The following CDH7 variants were observed in gnomAD, a reference collection of about 807,000 sequenced individuals.
The protein encoded by CDH7 is cadherin-7.
Under a neutral mutation model 71.8 loss-of-function variants are expected in CDH7, and 25 were observed. That is an observed-to-expected ratio of 0.35 (90% confidence interval 0.25 to 0.49). CDH7 has a LOEUF of 0.49. Among genes scored for constraint, CDH7 ranks in the 20% least tolerant of loss-of-function variants. The pLI, the probability that CDH7 is intolerant of heterozygous loss-of-function variation, is 0.99. For synonymous variants in CDH7, 381 were observed against 363.8 expected (o/e 1.05, Z -0.54); for missense variants, 862 against 974.6 (o/e 0.88, Z 1.54).
intron 2 of CDH7, among the ~76,000 whole-genome samples, chr18:65,798,128 C>T (rs1049578371): frequency 2.6e-5 from 4 of 152,176 alleles, no homozygotes; most frequent in African/African-American, 9.7e-5. Context: ...GCTTCTTTCT[C>T]TTCTCAAATA....
At chr18:65,869,245 T>C (rs549198885) in intron 11 of CDH7, among the ~76,000 whole-genome samples, 1 of 151,760 alleles carries the variant, frequency 6.6e-6, no homozygotes, top group African/African-American at 2.4e-5. Context: ...TCCTCCTGAA[T>C]TGTGGCAACT....
At chr18:65,853,905 CCATATA>C (rs1913235407) in intron 7 of CDH7, among the ~76,000 whole-genome samples, 2 of 43,056 alleles carry the variant, frequency 4.6e-5, no homozygotes, top group South Asian at 8.2e-4. Context: ...TCATAAATTA[CCATATA>C]TATATATATA....
intron 11 of CDH7, among the ~76,000 whole-genome samples, chr18:65,869,139 C>A (rs956000454): frequency 3.3e-5 from 5 of 152,056 alleles, no homozygotes; most frequent in Non-Finnish European, 1.5e-5. Flanking sequence ...GTCAATTAGT[C>A]CGCACATACT....
chr18:65,810,417 C>T (rs907616431), intron 3 of CDH7, among the ~76,000 whole-genome samples: 1 of 152,180 alleles, frequency 6.6e-6, no homozygotes. Flanking sequence ...AAACATCTCT[C>T]TATGGCCAAT....
rs1424999204 is a variant in CDH7, at chr18:65,883,103, A to G, written c.*2209A>G. The G allele has an allele frequency of 6.6e-6, 1 of 152,054 alleles. No homozygotes were observed. 9.4% of individuals were successfully genotyped at this position (152,054 alleles called of 1,614,324 possible). A position where few individuals can be genotyped will look rare whatever the true frequency, so the allele number is the denominator to read the frequency against. ...TAATTTTTTCAAATGGTTACCAATG[A>G]TAGATTGGAAAAAGAAAGGTTCATG... On this transcript the variant is annotated 3_prime_UTR_variant, in exon 12 of 12. Coordinates refer to ENST00000397968, the MANE Select transcript of CDH7 (RefSeq NM_004361.5).
intron 6 of CDH7, among the ~76,000 whole-genome samples, chr18:65,840,568 T>G (rs976221816): frequency 6.6e-6 from 1 of 152,150 alleles, no homozygotes; most frequent in Non-Finnish European, 1.5e-5. Context: ...ATGGAGGTGG[T>G]TTCCCCCCAT....
rs1418726704 is a variant in CDH7, at chr18:65,888,922, C to G, written c.*8028C>G. On this transcript the variant is annotated 3_prime_UTR_variant, in exon 12 of 12. Coordinates refer to ENST00000397968, the MANE Select transcript of CDH7 (RefSeq NM_004361.5). ...GCTGAAACTCTAATAATTGGACTTT[C>G]CAATCTTAATTATGCTTTAGTTCCC... The G allele has an allele frequency of 6.6e-6, 1 of 152,132 alleles. No homozygotes were observed. Among genetic ancestry groups the G allele is most frequent in the Non-Finnish European group, 1.5e-5 (1 of 68,010 alleles). 9.4% of individuals were successfully genotyped at this position (152,132 alleles called of 1,614,324 possible). A position where few individuals can be genotyped will look rare whatever the true frequency, so the allele number is the denominator to read the frequency against.
At position 65,781,803 on chromosome 18, in the gene CDH7, CTTCCTTCCTTCCTTCCTTCT is replaced by C. The variant is rs1910219393; in HGVS notation, c.210+18755_210+18774del. Among the ~76,000 whole-genome samples the C allele has an allele frequency of 7.3e-5, 5 of 68,570 alleles. No homozygotes were observed. The East Asian group carries it at 2.1e-3, about 29-fold the overall frequency. 45.0% of individuals were successfully genotyped at this position (68,570 alleles called of 152,430 possible). A position where few individuals can be genotyped will look rare whatever the true frequency, so the allele number is the denominator to read the frequency against. The stretch of plus-strand genomic sequence containing the variant: ...CCTTCCTTCCTTCCTTCCTTCCTTC[CTTCCTTCCTTCCTTCCTTCT>C]TTCTTTCTTTCTTTCTTTCTTTCTT... On this transcript the variant is annotated intron_variant, in intron 2 of 11. Coordinates refer to ENST00000397968, the MANE Select transcript of CDH7 (RefSeq NM_004361.5).
Position 65,814,377 on chromosome 18 carries a change from A to C in CDH7, c.506-108A>C, listed in dbSNP as rs942061057. On this transcript the variant is annotated intron_variant, in intron 3 of 11. Coordinates refer to ENST00000397968, the MANE Select transcript of CDH7 (RefSeq NM_004361.5). The stretch of plus-strand genomic sequence containing the variant: ...TTTTTATGTGTCTTGAAAAAGATAA[A>C]TGAAAATTTTCAAATAAGCTTAATG... 8 of 1,265,452 alleles carry C rather than the reference A, an allele frequency of 6.3e-6. No homozygotes were observed. The African/African-American group carries it at 1.2e-4, about 19-fold the overall frequency. 78.4% of individuals were successfully genotyped at this position (1,265,452 alleles called of 1,614,324 possible).
rs552115528 is a variant in CDH7, at chr18:65,846,683, G to A, written c.1235+2618G>A. Among the ~76,000 whole-genome samples, 17 of 152,136 alleles carry A rather than the reference G, an allele frequency of 1.1e-4. No homozygotes were observed. In the South Asian group the frequency reaches 1.2e-3, roughly 11 times the overall value. On this transcript the variant is annotated intron_variant, in intron 7 of 11. Coordinates refer to ENST00000397968, the MANE Select transcript of CDH7 (RefSeq NM_004361.5). ...TTTGTTGCATATGCATTACTCTCAC[G>A]CATTCTCTGGAAGACTGGTTCCCTT...
intron 7 of CDH7, among the ~76,000 whole-genome samples, chr18:65,845,895 C>T (rs557248174): frequency 2.6e-5 from 4 of 152,034 alleles, no homozygotes; most frequent in African/African-American, 9.6e-5. Context: ...TAAATAACCA[C>T]TGCACTCCAG....
chr18:65,871,476 G>A (rs1029368687), intron 11 of CDH7, among the ~76,000 whole-genome samples: 2 of 152,168 alleles, frequency 1.3e-5, no homozygotes, highest in Non-Finnish European at 2.9e-5. Context: ...ATAGGCAGGA[G>A]CCATGGGCTG....
intron 11 of CDH7, chr18:65,863,385 C>T (rs1913648770): frequency 6.2e-6 from 1 of 162,348 alleles, no homozygotes; most frequent in African/African-American, 2.4e-5. Context: ...GCCACACTTT[C>T]CAGTGGTATA....
At chr18:65,856,886 T>C (rs1376697500) in intron 7 of CDH7, among the ~76,000 whole-genome samples, 1 of 151,990 alleles carries the variant, frequency 6.6e-6, no homozygotes, top group Non-Finnish European at 1.5e-5. Context: ...AATTTTTCAC[T>C]GCTGAAAAAA....
chr18:65,886,412 GTTAT>G lies in CDH7; in HGVS notation c.*5523_*5526del, dbSNP rs10582994. The G allele has an allele frequency of 0.94, 142,909 of 151,968 alleles. 67,814 individuals are homozygous for G. The highest frequency in any genetic ancestry group is 1 in the East Asian group (5,166 of 5,166). The allele number at this position is 151,968 out of a possible 1,614,324, so 9.4% of individuals were successfully genotyped here. ...AATTAATTGAAGCCACTCAAATACA[GTTAT>G]TTATAAGATCTCAGAAGATTGCAGT... On this transcript the variant is annotated 3_prime_UTR_variant, in exon 12 of 12. Coordinates refer to ENST00000397968, the MANE Select transcript of CDH7 (RefSeq NM_004361.5).
chr18:65,824,106 A>ACAACC (rs1422295065), intron 5 of CDH7, among the ~76,000 whole-genome samples: 2 of 150,566 alleles, frequency 1.3e-5, no homozygotes, highest in Admixed American at 6.6e-5. Flanking sequence ...AGTTCTACAT[A>ACAACC]CAACCCACAC....
At position 65,888,439 on chromosome 18, in the gene CDH7, GTTGTCA is replaced by G. The variant is rs1568239340; in HGVS notation, c.*7547_*7552del. The G allele has an allele frequency of 6.6e-6, 1 of 152,252 alleles. No individual in the cohort carries two copies. The highest frequency in any genetic ancestry group is 1.9e-4 in the East Asian group (1 of 5,172). 9.4% of individuals were successfully genotyped at this position (152,252 alleles called of 1,614,324 possible). Reference sequence around the variant, plus strand: ...CTGACACACTACAATGAAGACTTCTGTTGTCATCATTCTCAGCTGTGATGGTGGCGC... The same window carrying G: ...CTGACACACTACAATGAAGACTTCTGTCATTCTCAGCTGTGATGGTGGCGC... On this transcript the variant is annotated 3_prime_UTR_variant, in exon 12 of 12. Transcript: ENST00000397968.
intron 2 of CDH7, among the ~76,000 whole-genome samples, chr18:65,764,252 A>G (rs1916288181): frequency 6.6e-6 from 1 of 151,982 alleles, no homozygotes; most frequent in Non-Finnish European, 1.5e-5. Flanking sequence ...TATATTTATT[A>G]TTTTATTTAT....
chr18:65,786,632 AACTC>A (rs1910522990), intron 2 of CDH7, among the ~76,000 whole-genome samples: 1 of 152,148 alleles, frequency 6.6e-6, no homozygotes, highest in African/African-American at 2.4e-5. Context: ...TAACGCTGAT[AACTC>A]TCTGAGTCAG....
Sources: allele counts gnomAD v4.1 joint callset (sites outside exome capture counted in the v4.1 genomes callset), GRCh38; gene constraint gnomAD v4.1.1; transcripts MANE v1.5; gene names NCBI Gene and HGNC (gene_info 2026-07-23, HGNC 2026-07-21).